The following ZRANB3 variants were observed in gnomAD, a reference collection of about 807,000 sequenced individuals.
The protein encoded by ZRANB3 is zinc finger RANBP2-type containing 3.
Under a neutral mutation model 133.8 loss-of-function variants are expected in ZRANB3, and 125 were observed. The observed-to-expected ratio is 0.93, with a 90% CI of 0.81 to 1.08. The LOEUF is 1.08. Among genes scored for constraint, ZRANB3 ranks in the 50% least tolerant of loss-of-function variants. The probability of loss-of-function intolerance (pLI) is 0.00; values close to 1 mark genes in which losing one functional copy is unlikely to be tolerated. For missense variants in ZRANB3, 1,229 were observed against 1,275.5 expected (o/e 0.96, Z 0.56); for synonymous variants, 387 against 432.7 (o/e 0.89, Z 1.31).
chr2:135,412,820 C>G (rs945058582), intron 2 of ZRANB3, among the ~76,000 whole-genome samples: 1 of 151,928 alleles, frequency 6.6e-6, no homozygotes, highest in Non-Finnish European at 1.5e-5. Context: ...ACTAATGAAG[C>G]ATATTTTCAA....
At chr2:135,472,481 C>CAGCGG (rs1691311856) in intron 2 of ZRANB3, among the ~76,000 whole-genome samples, 1 of 137,550 alleles carries the variant, frequency 7.3e-6, no homozygotes, top group Non-Finnish European at 1.5e-5. Context: ...GCCTGGGTGA[C>CAGCGG]AGCGAGACTC....
chr2:135,505,713 T>A (rs1410442563), intron 1 of ZRANB3, among the ~76,000 whole-genome samples: 2 of 152,178 alleles, frequency 1.3e-5, no homozygotes, highest in Non-Finnish European at 2.9e-5. Context: ...TATTTATTAA[T>A]AACAAATAGG....
intron 1 of ZRANB3, among the ~76,000 whole-genome samples, chr2:135,522,090 T>C (rs1693970987): frequency 6.6e-6 from 1 of 152,130 alleles, no homozygotes; most frequent in African/African-American, 2.4e-5. Flanking sequence ...ATCAAACAAC[T>C]TGGATTCTCC....
At chr2:135,445,731 C>CCGGGTGCAGTGG (rs1347379106) in intron 2 of ZRANB3, among the ~76,000 whole-genome samples, 2 of 147,680 alleles carry the variant, frequency 1.4e-5, no homozygotes, top group Non-Finnish European at 3.0e-5. Context: ...CAAAAATTAG[C>CCGGGTGCAGTGG]CGGGTGCAGT....
intron 6 of ZRANB3, among the ~76,000 whole-genome samples, chr2:135,319,551 T>C (rs1213017041): frequency 6.6e-6 from 1 of 152,168 alleles, no homozygotes; most frequent in Admixed American, 6.6e-5. Context: ...AAAATCTCTA[T>C]CAAATTTCTG....
At chr2:135,396,894 T>C (rs564274877) in intron 2 of ZRANB3, among the ~76,000 whole-genome samples, 51 of 152,172 alleles carry the variant, frequency 3.4e-4, no homozygotes, top group African/African-American at 1.2e-3. Flanking sequence ...TGTATCAAAA[T>C]AGCTCATGTA....
In ZRANB3 at chr2:135,398,524, T is replaced by TTC. The variant is rs1217181448; in HGVS notation, c.162-7705_162-7704insGA. Among the ~76,000 whole-genome samples the TTC allele has an allele frequency of 8.9e-5, 13 of 146,302 alleles. 1 individual carries two copies. The highest frequency in any genetic ancestry group is 3.2e-4 in the African/African-American group (12 of 37,904). ...ACAAAAACCATTTCTTTTGTCACTT[T>TTC]TTTTTTTTTTTTGAGATGGAGTCTT... On this transcript the variant is annotated intron_variant, in intron 2 of 20. Coordinates refer to ENST00000264159, the MANE Select transcript of ZRANB3 (RefSeq NM_032143.4).
rs1553484033 is a variant in ZRANB3 at position 135,390,712 on chromosome 2, C to G, written c.180+90G>C. On this transcript the variant is annotated intron_variant, in intron 3 of 20. Transcript: ENST00000264159. The stretch of plus-strand genomic sequence containing the variant: ...CCATCCCCATATACAGACATATAGT[C>G]ATATGGAGAAAGAGTACATGGAAAA... 5 of 1,448,780 alleles carry G rather than the reference C, an allele frequency of 3.5e-6. No individual in the cohort carries two copies. In the South Asian group the frequency reaches 6.2e-5, roughly 18 times the overall value. The allele number at this position is 1,448,780 out of a possible 1,614,324, so 89.7% of individuals were successfully genotyped here.
In ZRANB3 at chr2:135,508,893, G is replaced by C. The variant is rs78358814; in HGVS notation, c.-7-4397C>G. On this transcript the variant is annotated intron_variant, in intron 1 of 20. Coordinates refer to ENST00000264159, the MANE Select transcript of ZRANB3 (RefSeq NM_032143.4). ...ATTCTAGATTACCAAGAAATTAACAGTTACAATAATGTGCATACCTTTTTA... is the reference window on the plus strand; with the variant it reads ...ATTCTAGATTACCAAGAAATTAACACTTACAATAATGTGCATACCTTTTTA... 3.9e-3 allele frequency among the ~76,000 whole-genome samples: 593 copies of C among 151,930 alleles called. 8 individuals are homozygous for C. The highest frequency in any genetic ancestry group is 0.014 in the African/African-American group (561 of 41,446).
At chr2:135,348,295 A>G (rs1685041175) in intron 5 of ZRANB3, among the ~76,000 whole-genome samples, 1 of 151,930 alleles carries the variant, frequency 6.6e-6, no homozygotes, top group African/African-American at 2.4e-5. Context: ...GAAAGAAAAA[A>G]TTAGAGAACT....
intron 2 of ZRANB3, among the ~76,000 whole-genome samples, chr2:135,425,490 A>T (rs1481609087): frequency 6.6e-6 from 1 of 152,230 alleles, no homozygotes; most frequent in Non-Finnish European, 1.5e-5. Flanking sequence ...TGTAAGAAAA[A>T]GAAATGACAG....
At chr2:135,494,235 G>A (rs753635512) in intron 2 of ZRANB3, among the ~76,000 whole-genome samples, 19 of 147,760 alleles carry the variant, frequency 1.3e-4, no homozygotes, top group South Asian at 2.3e-4. Flanking sequence ...ATGAACCCGA[G>A]AGGCGGAGCT....
chr2:135,309,006 A>G (rs1321228904), intron 8 of ZRANB3, among the ~76,000 whole-genome samples: 2 of 137,412 alleles, frequency 1.5e-5, no homozygotes, highest in African/African-American at 5.8e-5. Context: ...TTTGAGATGG[A>G]GTCTGGCTCT....
At chr2:135,217,879 G>C (rs764072920) in intron 16 of ZRANB3, among the ~76,000 whole-genome samples, 1 of 151,986 alleles carries the variant, frequency 6.6e-6, no homozygotes, top group African/African-American at 2.4e-5. Flanking sequence ...GCATGATCAC[G>C]GCTTACTGCA....
intron 2 of ZRANB3, among the ~76,000 whole-genome samples, chr2:135,484,237 A>C (rs564730988): frequency 6.6e-6 from 1 of 152,328 alleles, no homozygotes; most frequent in East Asian, 1.9e-4. Context: ...CAGGATTTCC[A>C]GAAAAAATAA....
chr2:135,430,579 C>T (rs554550123), intron 2 of ZRANB3, among the ~76,000 whole-genome samples: 3 of 152,092 alleles, frequency 2.0e-5, no homozygotes, highest in South Asian at 4.1e-4. Context: ...AGGACATAAA[C>T]AGGATTAATA....
chr2:135,328,948 T>A (rs1683990415), intron 6 of ZRANB3, among the ~76,000 whole-genome samples: 1 of 152,238 alleles, frequency 6.6e-6, no homozygotes, highest in African/African-American at 2.4e-5. Context: ...CTTTGCAGAT[T>A]CTGGATATTA....
At chr2:135,279,166 C>T (rs568350982) in intron 8 of ZRANB3, among the ~76,000 whole-genome samples, 1 of 152,050 alleles carries the variant, frequency 6.6e-6, no homozygotes, top group African/African-American at 2.4e-5. Flanking sequence ...GATCTCTGGT[C>T]ATTAAACTAT....
intron 2 of ZRANB3, among the ~76,000 whole-genome samples, chr2:135,399,303 G>A (rs1424685034): frequency 6.6e-6 from 1 of 152,152 alleles, no homozygotes; most frequent in East Asian, 1.9e-4. Context: ...TTATAGATCA[G>A]AAATACAGTG....
Sources: gnomAD v4.1 joint callset for allele counts (sites outside exome capture counted in the v4.1 genomes callset) on GRCh38, gnomAD v4.1.1 for gene constraint, MANE v1.5 for transcripts, NCBI Gene and HGNC (gene_info 2026-07-23, HGNC 2026-07-21) for gene names.